Variants in TRIO observed in about 807,000 individuals in gnomAD.
TRIO encodes the protein trio Rho guanine nucleotide exchange factor.
Under a neutral mutation model 351.9 loss-of-function variants are expected in TRIO, and 58 were observed. That is an observed-to-expected ratio of 0.16 (90% confidence interval 0.13 to 0.21). TRIO has a LOEUF of 0.21. TRIO is among the 10% of genes least tolerant of loss of function. The pLI is 1.00. For synonymous variants in TRIO, 1,758 were observed against 1,595.7 expected, an observed-to-expected ratio of 1.10 and a Z score of -2.42; for missense variants, 3,201 against 4,027.8, an observed-to-expected ratio of 0.79 and a Z score of 5.56.
At chr5:14,432,061 A>G (rs1751198400) in intron 34 of TRIO, among the ~76,000 whole-genome samples, 1 of 152,180 alleles carries the variant, frequency 6.6e-6, no homozygotes, top group Admixed American at 6.5e-5. Context: ...TTCAGCCCAT[A>G]GCAAGGGGGC....
intron 4 of TRIO, among the ~76,000 whole-genome samples, chr5:14,288,139 G>T (rs992260812): frequency 6.6e-6 from 1 of 152,204 alleles, no homozygotes; most frequent in Non-Finnish European, 1.5e-5. Flanking sequence ...AATTTTGGAG[G>T]ACAGTTTATT....
chr5:14,153,942 G>T (rs1787964891), intron 1 of TRIO, among the ~76,000 whole-genome samples: 1 of 152,214 alleles, frequency 6.6e-6, no homozygotes, highest in African/African-American at 2.4e-5. Flanking sequence ...CCAGGCTATA[G>T]CAAGTATTTT....
At chr5:14,298,243 A>G (rs1278774496) in intron 7 of TRIO, among the ~76,000 whole-genome samples, 1 of 152,214 alleles carries the variant, frequency 6.6e-6, no homozygotes, top group African/African-American at 2.4e-5. Context: ...CCATACCTCC[A>G]TTTAAGCAAA....
intron 1 of TRIO, among the ~76,000 whole-genome samples, chr5:14,252,645 G>C (rs1794810432): frequency 6.6e-6 from 1 of 152,194 alleles, no homozygotes; most frequent in Non-Finnish European, 1.5e-5. Flanking sequence ...CTTTCAAACT[G>C]ACCTTTCTAG....
At chr5:14,236,063 A>ATTTG (rs34080133) in intron 1 of TRIO, among the ~76,000 whole-genome samples, 124,407 of 151,558 alleles carry the variant, frequency 0.82, 51,218 homozygotes, top group East Asian at 0.98. Flanking sequence ...TTAACAAATA[A>ATTTG]TTTGTGGTAG....
chr5:14,263,740 T>A (rs1247100369), intron 1 of TRIO, among the ~76,000 whole-genome samples: 1 of 152,184 alleles, frequency 6.6e-6, no homozygotes, highest in Non-Finnish European at 1.5e-5. Context: ...TATATGTGCA[T>A]GTATGTGTGT....
chr5:14,143,417 G>A lies in TRIO; in HGVS notation c.-309G>A, dbSNP rs1787290049. 6.7e-6 allele frequency among the ~76,000 whole-genome samples: 1 copy of A among 149,636 alleles called. No individual in the cohort carries two copies. The highest frequency in any genetic ancestry group is 1.5e-5 in the Non-Finnish European group (1 of 67,278). ...GAGGTCTCGCCGGCCACGGGCCCCC[G>A]CCCTCGCGACTGCGCGTCCGGGAGG... On this transcript the variant is annotated 5_prime_UTR_variant, in exon 1 of 57. Coordinates refer to ENST00000344204, the MANE Select transcript of TRIO (RefSeq NM_007118.4).
intron 1 of TRIO, among the ~76,000 whole-genome samples, chr5:14,201,198 T>G (rs1462868559): frequency 2.0e-5 from 3 of 152,072 alleles, no homozygotes; most frequent in Non-Finnish European, 4.4e-5. Context: ...AGGCAGAGGT[T>G]GCAGTGAGCC....
intron 1 of TRIO, among the ~76,000 whole-genome samples, chr5:14,251,196 A>G (rs1425159577): frequency 1.3e-5 from 2 of 152,118 alleles, no homozygotes; most frequent in African/African-American, 2.4e-5. Flanking sequence ...AAGAAGTTAC[A>G]AGGTTTCCTT....
rs1478600262 is a variant in TRIO at position 14,230,455 on chromosome 5, A to G, written c.158-40370A>G. On this transcript the variant is annotated intron_variant, in intron 1 of 56. Coordinates refer to ENST00000344204, the MANE Select transcript of TRIO (RefSeq NM_007118.4). ...ACTGCAGATACCCCCACAGATTTCC[A>G]AATATAAAATGAAACAAAGGAGCAT... Among the ~76,000 whole-genome samples, 4 of 152,194 alleles carry G rather than the reference A, an allele frequency of 2.6e-5. No individual in the cohort carries two copies. The South Asian group carries it at 8.3e-4, about 32-fold the overall frequency.
At chr5:14,174,158 A>T (rs1789270474) in intron 1 of TRIO, among the ~76,000 whole-genome samples, 1 of 152,158 alleles carries the variant, frequency 6.6e-6, no homozygotes, top group South Asian at 2.1e-4. Flanking sequence ...TGTGGCTGTA[A>T]CCTTCTGTTG....
intron 1 of TRIO, among the ~76,000 whole-genome samples, chr5:14,248,829 C>G (rs1794585899): frequency 6.6e-6 from 1 of 152,174 alleles, no homozygotes; most frequent in Non-Finnish European, 1.5e-5. Flanking sequence ...ATTCTGATCC[C>G]CATATTATGG....
Position 14,363,836 on chromosome 5 carries a change from A to G in TRIO, c.2496A>G (p.Ala832=), listed in dbSNP as rs1423141396. ...CAGAGCAGCGCCTCCAGCACCATGC[A>G]GACAAAGCCTTGACCATGAACAACT... ...TIAEQRLQHH[A]DKALTMNNLT... Residue 832 remains alanine, a synonymous_variant, in exon 14 of 57, where the codon GCA becomes GCG. Coordinates refer to ENST00000344204, the MANE Select transcript of TRIO (RefSeq NM_007118.4). 4 of 1,614,124 alleles carry G rather than the reference A, an allele frequency of 2.5e-6. No homozygotes were observed. Among genetic ancestry groups the G allele is most frequent in the Non-Finnish European group, 3.4e-6 (4 of 1,180,054 alleles).
chr5:14,351,730 T>C (rs1166798772), intron 11 of TRIO, among the ~76,000 whole-genome samples: 1 of 152,238 alleles, frequency 6.6e-6, no homozygotes, highest in Non-Finnish European at 1.5e-5. Flanking sequence ...AGGAGATGTG[T>C]TGGGCCCCTC....
chr5:14,215,380 C>G (rs1792153977), intron 1 of TRIO, among the ~76,000 whole-genome samples: 1 of 152,126 alleles, frequency 6.6e-6, no homozygotes. Flanking sequence ...TAATGACAAA[C>G]CTTGATTGTG....
intron 31 of TRIO, 147 bp from the exon 32 acceptor site, chr5:14,405,701 C>A: frequency 2.4e-6 from 2 of 848,590 alleles, no homozygotes; most frequent in Non-Finnish European, 3.5e-6. Flanking sequence ...TATTTGGTAG[C>A]ATATTAAACG....
intron 34 of TRIO, among the ~76,000 whole-genome samples, chr5:14,424,953 T>C (rs6898464): frequency 0.025 from 3,784 of 152,310 alleles, 79 homozygotes; most frequent in South Asian, 0.05. Flanking sequence ...TTTTCAAATC[T>C]GAAGTATTCA....
chr5:14,228,593 CAT>C (rs757788447), intron 1 of TRIO, among the ~76,000 whole-genome samples: 3 of 152,124 alleles, frequency 2.0e-5, no homozygotes, highest in Non-Finnish European at 2.9e-5. Flanking sequence ...AGGGAGGCCA[CAT>C]GTGGATTTAA....
chr5:14,382,520 G>A (rs1042129471), intron 21 of TRIO, among the ~76,000 whole-genome samples: 5 of 152,236 alleles, frequency 3.3e-5, no homozygotes, highest in Admixed American at 6.5e-5. Context: ...GCCCAGGGTG[G>A]GGGTGTGGTG....
Sources: allele counts gnomAD v4.1 joint callset (sites outside exome capture counted in the v4.1 genomes callset), GRCh38; gene constraint gnomAD v4.1.1; transcripts MANE v1.5; gene names NCBI Gene and HGNC (gene_info 2026-07-23, HGNC 2026-07-21).